The following RYR3 variants were observed in gnomAD, a reference collection of about 807,000 sequenced individuals.
The protein encoded by RYR3 is brain ryanodine receptor-calcium release channel.
In RYR3, 207 loss-of-function variants were observed where a neutral mutation model predicts 584.3. The ratio of observed to expected loss-of-function variants is 0.35; its 90% CI spans 0.32 to 0.40. RYR3 has a LOEUF of 0.40. Among genes scored for constraint, RYR3 ranks in the 10% least tolerant of loss-of-function variants. RYR3 has a pLI of 1.00. For synonymous variants in RYR3, 2,416 were observed against 2,248.5 expected, an observed-to-expected ratio of 1.07 and a Z score of -2.11; for missense variants, 5,616 against 6,089.2, an observed-to-expected ratio of 0.92 and a Z score of 2.59.
chr15:33,566,857 C>T (rs1395586229), intron 12 of RYR3, 58 bp downstream of exon 12: 10 of 1,567,180 alleles, frequency 6.4e-6, no homozygotes, highest in Non-Finnish European at 5.3e-6. Context: ...CCTGCCAACA[C>T]CACCACCCAC....
chr15:33,609,611 C>T (rs150763065), intron 18 of RYR3, among the ~76,000 whole-genome samples: 1 of 152,290 alleles, frequency 6.6e-6, no homozygotes, highest in East Asian at 1.9e-4. Flanking sequence ...CGAGATCGTG[C>T]CATTGTACTC....
chr15:33,368,645 G>A (rs1414955427), intron 1 of RYR3, among the ~76,000 whole-genome samples: 1 of 152,042 alleles, frequency 6.6e-6, no homozygotes, highest in Non-Finnish European at 1.5e-5. Flanking sequence ...ACCTTTCTGG[G>A]TGAGGCAGCT....
chr15:33,596,882 C>T (rs1291653949), intron 16 of RYR3, among the ~76,000 whole-genome samples: 1 of 152,082 alleles, frequency 6.6e-6, no homozygotes, highest in Non-Finnish European at 1.5e-5. Context: ...ACCCCTCCCT[C>T]TTAACCTGCA....
rs548299076 is a variant in RYR3, at chr15:33,751,839, TC to T, written c.8399+1554del. On this transcript the variant is annotated intron_variant, in intron 57 of 103. Coordinates refer to ENST00000634891, the MANE Select transcript of RYR3 (RefSeq NM_001036.6). ...GTCCTGAATGATATTGCCTAGGTTT[TC>T]TTCTAGGGCTTTTATGGTTTTGGTC... 2.0e-3 allele frequency among the ~76,000 whole-genome samples: 306 copies of T among 152,322 alleles called. 3 individuals are homozygous for T. Among genetic ancestry groups the T allele is most frequent in the African/African-American group, 7.0e-3 (290 of 41,578 alleles).
rs1208838648 is a variant in RYR3, at chr15:33,845,070, G to C, written c.13497+8G>C. The C allele has an allele frequency of 1.2e-6, 2 of 1,613,286 alleles. No individual in the cohort carries two copies. The highest frequency in any genetic ancestry group is 1.3e-5 in the African/African-American group (1 of 74,926). Reference sequence around the variant, plus strand: ...GGCTACTACTGCCTGAAGGTGAGCTGTTTGCCACTCTGGATCTAATCTCAC... The same window carrying C: ...GGCTACTACTGCCTGAAGGTGAGCTCTTTGCCACTCTGGATCTAATCTCAC... On this transcript the variant is annotated splice_region_variant and intron_variant, in intron 93 of 103. Coordinates refer to ENST00000634891, the MANE Select transcript of RYR3 (RefSeq NM_001036.6).
chr15:33,716,874 CAAA>C (rs34280876), intron 43 of RYR3, among the ~76,000 whole-genome samples: 3 of 150,806 alleles, frequency 2.0e-5, no homozygotes, highest in Non-Finnish European at 3.0e-5. Flanking sequence ...CTGAATGAAA[CAAA>C]AAAAAAATCC....
At position 33,844,874 on chromosome 15, in the gene RYR3, C is replaced by A; in HGVS notation, c.13309C>A (p.Pro4437Thr). 4 of 1,610,718 alleles carry A rather than the reference C, an allele frequency of 2.5e-6. No individual in the cohort carries two copies. Among genetic ancestry groups the A allele is most frequent in the Middle Eastern group, 1.7e-4 (1 of 6,050 alleles). The change falls in exon 93 of 104, where the codon CCT (proline) becomes ACT (threonine). Residue 4437 changes from proline to threonine, a missense_variant. Pro to Thr is a conservative substitution (Grantham distance 38). Coordinates refer to ENST00000634891, the MANE Select transcript of RYR3 (RefSeq NM_001036.6). ...ILLFYKVTEE[P>T]LEEETEDVAN... is the part of the protein sequence containing the mutation. ...TATTTTGAGCCAGGTCACTGAAGAA[C>A]CTTTAGAAGAAGAGACAGAGGATGT...
chr15:33,510,262 A>C (rs985427290), intron 3 of RYR3, among the ~76,000 whole-genome samples: 1 of 152,182 alleles, frequency 6.6e-6, no homozygotes, highest in African/African-American at 2.4e-5. Flanking sequence ...TATCTTACCA[A>C]CTGGGCTTTA....
At chr15:33,697,151 A>G (rs1166989553) in intron 39 of RYR3, among the ~76,000 whole-genome samples, 2 of 152,168 alleles carry the variant, frequency 1.3e-5, no homozygotes, top group East Asian at 1.9e-4. Context: ...CTAACTTTTC[A>G]TCCTACCACC....
chr15:33,794,317 A>G (rs1278796194), intron 67 of RYR3, among the ~76,000 whole-genome samples: 3 of 120,902 alleles, frequency 2.5e-5, no homozygotes, highest in Non-Finnish European at 3.4e-5. Context: ...TTTTATATAT[A>G]TATATTTTTA....
chr15:33,664,604 TATATATATATAC>T (rs1442957640), intron 36 of RYR3, among the ~76,000 whole-genome samples: 1 of 135,626 alleles, frequency 7.4e-6, no homozygotes, highest in African/African-American at 2.9e-5. Context: ...TATATATATA[TATATATATATAC>T]GTATGTATAC....
At chr15:33,659,052 T>C (rs781631396) in intron 32 of RYR3, among the ~76,000 whole-genome samples, 4 of 152,170 alleles carry the variant, frequency 2.6e-5, no homozygotes, top group Non-Finnish European at 5.9e-5. Context: ...ACAGAACATT[T>C]GGCAATGTTG....
chr15:33,757,057 A>G (rs1262177351), intron 59 of RYR3, among the ~76,000 whole-genome samples: 2 of 152,142 alleles, frequency 1.3e-5, no homozygotes, highest in Non-Finnish European at 2.9e-5. Flanking sequence ...AGTCTCTTCC[A>G]TACAGCCCTG....
chr15:33,748,322 G>C (rs2070952079), intron 54 of RYR3, 62 bp downstream of exon 54: 1 of 1,589,670 alleles, frequency 6.3e-7, no homozygotes. Context: ...ATCTGGGAAT[G>C]TTCTGCCTGG....
intron 74 of RYR3, among the ~76,000 whole-genome samples, 187 bp from the exon 75 acceptor site, chr15:33,816,675 G>A (rs1045571711): frequency 1.3e-5 from 2 of 152,174 alleles, no homozygotes; most frequent in African/African-American, 4.8e-5. Context: ...TAATATTCAA[G>A]ACTCGTCATG....
At chr15:33,828,278 G>A (rs34316397) in intron 85 of RYR3, among the ~76,000 whole-genome samples, 22,388 of 152,078 alleles carry the variant, frequency 0.15, 1,815 homozygotes, top group Middle Eastern at 0.27. Context: ...TATTCCCTGA[G>A]ACATAACAGT....
chr15:33,400,486 A>G (rs1029572324), intron 1 of RYR3, among the ~76,000 whole-genome samples: 1 of 152,156 alleles, frequency 6.6e-6, no homozygotes, highest in African/African-American at 2.4e-5. Context: ...CTGGGGGAAA[A>G]GCAGGTGAGC....
In RYR3 at chr15:33,633,069, A is replaced by G; in HGVS notation, c.2988A>G (p.Lys996=). Residue 996 remains lysine, a synonymous_variant, in exon 24 of 104, where the codon AAA becomes AAG. Transcript: ENST00000634891. ...LAENAHNVWA[K]DRIKQGWTYG... The stretch of plus-strand genomic sequence containing the variant: ...AAAATGCACACAATGTTTGGGCAAA[A>G]GACAGAATAAAACAAGGATGGACCT... The G allele has an allele frequency of 6.2e-7, 1 of 1,614,060 alleles. No individual in the cohort carries two copies. The highest frequency in any genetic ancestry group is 8.5e-7 in the Non-Finnish European group (1 of 1,179,890).
chr15:33,442,534 G>T (rs2046313308), intron 1 of RYR3, among the ~76,000 whole-genome samples: 1 of 152,158 alleles, frequency 6.6e-6, no homozygotes, highest in Non-Finnish European at 1.5e-5. Context: ...ATTAAGTAGG[G>T]GAGTGAGTTT....
Sources: allele counts gnomAD v4.1 joint callset (sites outside exome capture counted in the v4.1 genomes callset), GRCh38; gene constraint gnomAD v4.1.1; transcripts MANE v1.5; gene names NCBI Gene and HGNC (gene_info 2026-07-23, HGNC 2026-07-21).